Variants in KDM4C observed in about 807,000 individuals in gnomAD.
KDM4C encodes lysine demethylase 4C.
In KDM4C, 81 loss-of-function variants were observed where a neutral mutation model predicts 129.3. The observed-to-expected ratio is 0.63, with a 90% CI of 0.52 to 0.75. The LOEUF (loss-of-function observed/expected upper bound fraction) is 0.75, where lower values mean the gene tolerates loss of function less well. Ranked by LOEUF, KDM4C falls within the 30% of genes least tolerant of loss-of-function variation. The pLI, the probability that KDM4C is intolerant of heterozygous loss-of-function variation, is 0.00. For synonymous variants in KDM4C, 573 were observed against 456.1 expected (o/e 1.26, Z -3.26); for missense variants, 1,457 against 1,304.0 (o/e 1.12, Z -1.81).
At chr9:6,768,300 A>G (rs553102611) in intron 1 of KDM4C, among the ~76,000 whole-genome samples, 101 of 151,000 alleles carry the variant, frequency 6.7e-4, no homozygotes, top group African/African-American at 2.3e-3. Context: ...TTGGTGACAG[A>G]TAGGCAGGCC....
chr9:6,854,540 A>AAC lies in KDM4C; in HGVS notation c.629+4841_629+4842insCA, dbSNP rs1319501982. Among the ~76,000 whole-genome samples the AAC allele has an allele frequency of 4.8e-4, 70 of 145,632 alleles. 3 individuals carry two copies. The East Asian group carries it at 0.012, about 25-fold the overall frequency. ...AACTCCGTCTCAAAAAAAAAAAAAA[A>AAC]AAAAACAAAAAAAAAACTAACTTTC... On this transcript the variant is annotated intron_variant, in intron 5 of 21. Transcript: ENST00000381309.
At chr9:7,091,793 C>A (rs535995858) in intron 17 of KDM4C, among the ~76,000 whole-genome samples, 1 of 152,130 alleles carries the variant, frequency 6.6e-6, no homozygotes, top group South Asian at 2.1e-4. Context: ...ACTGGGAAGA[C>A]ATGGGCAGGA....
rs1563993433 is a variant in KDM4C at position 7,019,765 on chromosome 9, A to AT, written c.2259+3837dup. Among the ~76,000 whole-genome samples, 224 of 121,142 alleles carry AT rather than the reference A, an allele frequency of 1.8e-3. 5 individuals are homozygous for AT. The highest frequency in any genetic ancestry group is 1.7e-3 in the African/African-American group (52 of 30,616). The allele number at this position is 121,142 out of a possible 152,430, so 79.5% of individuals were successfully genotyped here. On this transcript the variant is annotated intron_variant, in intron 15 of 21. Transcript: ENST00000381309. ...ATATAATATTTTTATATATAAAAAT[A>AT]TAATATTTTTATATATAAAAATATT...
chr9:6,998,912 G>T (rs1020551208), intron 12 of KDM4C, among the ~76,000 whole-genome samples: 3 of 152,178 alleles, frequency 2.0e-5, no homozygotes, highest in Non-Finnish European at 4.4e-5. Flanking sequence ...GCTGCCCACT[G>T]ATTGCACTTC....
chr9:6,999,060 C>T (rs1393845313), intron 12 of KDM4C, among the ~76,000 whole-genome samples: 4 of 152,058 alleles, frequency 2.6e-5, no homozygotes, highest in African/African-American at 9.7e-5. Flanking sequence ...TTGCAATTGT[C>T]CCTCAAACAA....
chr9:7,092,477 C>T (rs1267729893), intron 17 of KDM4C, among the ~76,000 whole-genome samples: 1 of 152,198 alleles, frequency 6.6e-6, no homozygotes, highest in Admixed American at 6.5e-5. Flanking sequence ...CTGACCAGGG[C>T]TGTTTGGATA....
intron 5 of KDM4C, among the ~76,000 whole-genome samples, chr9:6,866,993 GTGTGTGTATATA>G (rs1358873311): frequency 5.0e-5 from 2 of 39,928 alleles, no homozygotes; most frequent in African/African-American, 1.1e-4. Context: ...GTGTGTGTGT[GTGTGTGTATATA>G]TATATATATA....
chr9:6,943,022 T>C (rs1826243504), intron 8 of KDM4C, among the ~76,000 whole-genome samples: 1 of 152,058 alleles, frequency 6.6e-6, no homozygotes, highest in Non-Finnish European at 1.5e-5. Flanking sequence ...TGTGCCACCT[T>C]GCCCGCATAA....
chr9:7,061,143 C>T (rs1831606217), intron 17 of KDM4C, among the ~76,000 whole-genome samples: 2 of 152,190 alleles, frequency 1.3e-5, no homozygotes, highest in Admixed American at 6.5e-5. Flanking sequence ...GTCAGTTGCA[C>T]TATACAGATG....
Position 6,958,687 on chromosome 9 carries a change from A to AT in KDM4C, c.922-22223dup, listed in dbSNP as rs377187050. On this transcript the variant is annotated intron_variant, in intron 8 of 21. Coordinates refer to ENST00000381309, the MANE Select transcript of KDM4C (RefSeq NM_015061.6). The stretch of plus-strand genomic sequence containing the variant: ...AATACATTATGCCTTTCTTTATATG[A>AT]TTTTTTTTTTTTTTTGGGACAGGGT... Among the ~76,000 whole-genome samples, 961 of 136,282 alleles carry AT rather than the reference A, an allele frequency of 7.1e-3. 30 individuals carry two copies. The highest frequency in any genetic ancestry group is 0.023 in the African/African-American group (787 of 34,646). 89.4% of individuals were successfully genotyped at this position (136,282 alleles called of 152,430 possible).
intron 1 of KDM4C, among the ~76,000 whole-genome samples, chr9:6,791,153 C>A (rs1564011827): frequency 6.6e-6 from 1 of 152,096 alleles, no homozygotes; most frequent in African/African-American, 2.4e-5. Context: ...ACTCCATCAC[C>A]CAGGCTGGAG....
At chr9:6,985,934 A>G (rs1165625364) in intron 10 of KDM4C, among the ~76,000 whole-genome samples, 1 of 152,086 alleles carries the variant, frequency 6.6e-6, no homozygotes, top group African/African-American at 2.4e-5. Context: ...CAAGTGATCC[A>G]CCTGCCTTGG....
intron 16 of KDM4C, among the ~76,000 whole-genome samples, chr9:7,048,566 T>G (rs1587241325): frequency 6.6e-6 from 1 of 152,064 alleles, no homozygotes; most frequent in Non-Finnish European, 1.5e-5. Context: ...TTTCATTGAT[T>G]ATAGTAAGAT....
intron 1 of KDM4C, among the ~76,000 whole-genome samples, chr9:6,725,228 G>T (rs926285944): frequency 1.3e-5 from 2 of 152,000 alleles, no homozygotes; most frequent in Non-Finnish European, 2.9e-5. Flanking sequence ...TGTTGCAGGG[G>T]TAGAGCGCAG....
chr9:7,169,635 A>G (rs1465138264), intron 20 of KDM4C, among the ~76,000 whole-genome samples, 163 bp from the exon 21 acceptor site: 1 of 152,174 alleles, frequency 6.6e-6, no homozygotes, highest in East Asian at 1.9e-4. Context: ...CCCGGCCTCT[A>G]CTTAATAAGG....
chr9:6,979,652 G>T (rs1045615471), intron 8 of KDM4C, among the ~76,000 whole-genome samples: 6 of 152,156 alleles, frequency 3.9e-5, no homozygotes, highest in African/African-American at 1.4e-4. Context: ...ATTTGGGGGA[G>T]ACGAAAGTAA....
chr9:6,937,081 C>G (rs551655742), intron 8 of KDM4C, among the ~76,000 whole-genome samples: 1 of 152,136 alleles, frequency 6.6e-6, no homozygotes, highest in Admixed American at 6.5e-5. Flanking sequence ...AGAAAGGAAA[C>G]AAGTAAGTTA....
chr9:7,114,027 G>T (rs1347483812), intron 18 of KDM4C, among the ~76,000 whole-genome samples: 1 of 152,120 alleles, frequency 6.6e-6, no homozygotes, highest in Non-Finnish European at 1.5e-5. Context: ...AGGCCAAATG[G>T]TACATCCCAG....
At position 6,861,241 on chromosome 9, in the gene KDM4C, T is replaced by G. The variant is rs569493770; in HGVS notation, c.629+11541T>G. 1.7e-4 allele frequency among the ~76,000 whole-genome samples: 26 copies of G among 152,352 alleles called. 1 individual carries two copies. Among genetic ancestry groups the G allele is most frequent in the South Asian group, 1.2e-3 (6 of 4,832 alleles). ...TAGAACTCTTCATTAATTTGTGTATTTTGGTCTTGTCTCTCCCATGAGATA... is the reference window on the plus strand; with the variant it reads ...TAGAACTCTTCATTAATTTGTGTATGTTGGTCTTGTCTCTCCCATGAGATA... On this transcript the variant is annotated intron_variant, in intron 5 of 21. Coordinates refer to ENST00000381309, the MANE Select transcript of KDM4C (RefSeq NM_015061.6).
Sources: gnomAD v4.1 joint callset for allele counts (sites outside exome capture counted in the v4.1 genomes callset) on GRCh38, gnomAD v4.1.1 for gene constraint, MANE v1.5 for transcripts, NCBI Gene and HGNC (gene_info 2026-07-23, HGNC 2026-07-21) for gene names.